The following ADAMTS2 variants were observed in gnomAD, a reference collection of about 807,000 sequenced individuals.
ADAMTS2 encodes the protein A disintegrin and metalloproteinase with thrombospondin motifs 2.
ADAMTS2 carries 50 observed loss-of-function variants against 123.0 expected under a neutral mutation model. The ratio of observed to expected loss-of-function variants is 0.41; its 90% CI spans 0.32 to 0.51. The LOEUF (loss-of-function observed/expected upper bound fraction) is 0.51, where lower values mean the gene tolerates loss of function less well. Ranked by LOEUF, ADAMTS2 falls within the 20% of genes least tolerant of loss-of-function variation. The pLI is 0.35. For missense variants in ADAMTS2, 1,494 were observed against 1,705.2 expected, an observed-to-expected ratio of 0.88 and a Z score of 2.18; for synonymous variants, 678 against 695.4, an observed-to-expected ratio of 0.98 and a Z score of 0.39.
intron 4 of ADAMTS2, among the ~76,000 whole-genome samples, 182 bp downstream of exon 4, chr5:179,207,331 G>C (rs1764721235): frequency 6.6e-6 from 1 of 152,132 alleles, no homozygotes; most frequent in Non-Finnish European, 1.5e-5. Context: ...CTGAGGTCAG[G>C]GATGGTCAAC....
intron 21 of ADAMTS2, among the ~76,000 whole-genome samples, chr5:179,116,862 C>T (rs1243948936): frequency 6.6e-6 from 1 of 152,118 alleles, no homozygotes; most frequent in African/African-American, 2.4e-5. Flanking sequence ...GGAGTTAAAA[C>T]CCATCGGCCA....
chr5:179,286,581 GA>G (rs1360930093), intron 2 of ADAMTS2, among the ~76,000 whole-genome samples: 1 of 152,098 alleles, frequency 6.6e-6, no homozygotes, highest in Non-Finnish European at 1.5e-5. Context: ...AGGGCCTGGG[GA>G]CCCAGGACCG....
At chr5:179,275,886 G>A (rs554509133) in intron 2 of ADAMTS2, among the ~76,000 whole-genome samples, 1 of 152,322 alleles carries the variant, frequency 6.6e-6, no homozygotes, top group South Asian at 2.1e-4. Context: ...GGCAAAGTGG[G>A]TGCCATTCTC....
chr5:179,325,996 T>C (rs1035252734), intron 2 of ADAMTS2, among the ~76,000 whole-genome samples: 4 of 152,106 alleles, frequency 2.6e-5, no homozygotes, highest in Non-Finnish European at 5.9e-5. Flanking sequence ...AGCTGAGGGG[T>C]GCGGAGGAAG....
rs377676303 is a variant in ADAMTS2 at position 179,154,149 on chromosome 5, C to T, written c.1282G>A (p.Glu428Lys). 6.3e-6 allele frequency: 10 copies of T among 1,579,306 alleles called. No homozygotes were observed. The highest frequency in any genetic ancestry group is 6.8e-6 in the Non-Finnish European group (8 of 1,169,110). ...HDGQGNRCGD[E>K]VRLGSIMAPL... is the part of the protein sequence containing the mutation. Reference sequence around the variant, plus strand: ...GCCATGATGCTGCCCAGCCGCACCTCGTCGCCACAGCGGTTGCCCTGCCCG... The same window carrying T: ...GCCATGATGCTGCCCAGCCGCACCTTGTCGCCACAGCGGTTGCCCTGCCCG... The change falls in exon 8 of 22, where the codon GAG becomes AAG. Residue 428 changes from glutamate (E) to lysine (K), a missense_variant. Physicochemically the swap from Glu to Lys is moderately conservative, Grantham distance 56. Coordinates refer to ENST00000251582, the MANE Select transcript of ADAMTS2 (RefSeq NM_014244.5).
At chr5:179,305,255 A>G (rs1328130059) in intron 2 of ADAMTS2, among the ~76,000 whole-genome samples, 3 of 152,234 alleles carry the variant, frequency 2.0e-5, no homozygotes, top group Non-Finnish European at 4.4e-5. Context: ...TTTGAACATC[A>G]GGAATAAAGG....
In ADAMTS2 at chr5:179,317,363, G is replaced by A. The variant is rs926613652; in HGVS notation, c.534+26404C>T. Among the ~76,000 whole-genome samples the A allele has an allele frequency of 9.9e-5, 15 of 152,122 alleles. No individual in the cohort carries two copies. Among genetic ancestry groups the A allele is most frequent in the Non-Finnish European group, 1.5e-4 (10 of 68,024 alleles). On this transcript the variant is annotated intron_variant, in intron 2 of 21. Coordinates refer to ENST00000251582, the MANE Select transcript of ADAMTS2 (RefSeq NM_014244.5). This position sits in a 1 kb window ranked among gnomAD's most constrained non-coding sequence, Gnocchi z 4.9. Reference sequence around the variant, plus strand: ...TCACACATCTCATCCAAGCCTGCTCGGACGCTGCCCTTCTGACCCCGATTC... The same window carrying A: ...TCACACATCTCATCCAAGCCTGCTCAGACGCTGCCCTTCTGACCCCGATTC...
At chr5:179,192,437 C>T (rs1318827639) in intron 4 of ADAMTS2, among the ~76,000 whole-genome samples, 1 of 152,242 alleles carries the variant, frequency 6.6e-6, no homozygotes, top group African/African-American at 2.4e-5. Context: ...AGGTCACAAT[C>T]CCCCTGCACC....
At chr5:179,302,355 C>T (rs74494693) in intron 2 of ADAMTS2, among the ~76,000 whole-genome samples, 4,826 of 124,992 alleles carry the variant, frequency 0.039, 214 homozygotes, top group East Asian at 0.21. Context: ...CCCAGCTGCT[C>T]TGGGCGACAG....
intron 5 of ADAMTS2, among the ~76,000 whole-genome samples, chr5:179,177,421 G>GA (rs1561791179): frequency 6.6e-6 from 1 of 152,186 alleles, no homozygotes; most frequent in East Asian, 1.9e-4. Flanking sequence ...CATTGACTAC[G>GA]AAAGACACAT....
intron 3 of ADAMTS2, among the ~76,000 whole-genome samples, chr5:179,264,519 C>T (rs992006382): frequency 2.6e-5 from 4 of 152,356 alleles, no homozygotes; most frequent in East Asian, 1.9e-4. Context: ...CAGATGCCCC[C>T]GTGAGCAGAT....
At chr5:179,190,520 C>G (rs529052047) in intron 4 of ADAMTS2, among the ~76,000 whole-genome samples, 2 of 152,270 alleles carry the variant, frequency 1.3e-5, no homozygotes, top group Non-Finnish European at 2.9e-5. Flanking sequence ...TTAGAGAGTG[C>G]CCAAGGGGGT....
At chr5:179,137,666 G>A (rs931554945) in intron 12 of ADAMTS2, 103 bp downstream of exon 12, 19 of 1,461,748 alleles carry the variant, frequency 1.3e-5, no homozygotes, top group Admixed American at 6.0e-5. Context: ...GCCCAGGGTC[G>A]CGGCAGCCTT....
At chr5:179,232,779 C>T (rs1039011692) in intron 3 of ADAMTS2, among the ~76,000 whole-genome samples, 2 of 148,854 alleles carry the variant, frequency 1.3e-5, no homozygotes, top group African/African-American at 5.0e-5. Flanking sequence ...AGCACAATAC[C>T]TTTTTTTTTT....
intron 3 of ADAMTS2, among the ~76,000 whole-genome samples, chr5:179,230,134 C>T (rs1174502755): frequency 1.3e-5 from 2 of 152,170 alleles, no homozygotes. Context: ...AAACATATCA[C>T]CGGATTAAGT....
chr5:179,171,583 G>A (rs1472848971), intron 5 of ADAMTS2, among the ~76,000 whole-genome samples: 2 of 152,190 alleles, frequency 1.3e-5, no homozygotes, highest in Non-Finnish European at 2.9e-5. Flanking sequence ...ACACTCAGCT[G>A]ATCAACTCAG....
chr5:179,273,642 C>G (rs1272473173), intron 2 of ADAMTS2, among the ~76,000 whole-genome samples: 1 of 152,118 alleles, frequency 6.6e-6, no homozygotes, highest in East Asian at 1.9e-4. Context: ...CAGGCCCTGA[C>G]CACAGCGGGT....
At chr5:179,144,275 GAAGTTC>G (rs1226925281) in intron 10 of ADAMTS2, among the ~76,000 whole-genome samples, 1 of 152,186 alleles carries the variant, frequency 6.6e-6, no homozygotes, top group Non-Finnish European at 1.5e-5. Flanking sequence ...ATCATTGAAA[GAAGTTC>G]AAGTTCTAAG....
At chr5:179,326,531 T>G (rs997619008) in intron 2 of ADAMTS2, among the ~76,000 whole-genome samples, 12 of 118,568 alleles carry the variant, frequency 1.0e-4, no homozygotes, top group Middle Eastern at 4.5e-3. Flanking sequence ...CCCACAGAGC[T>G]CTCAAAAGGG....
Sources: gnomAD v4.1 joint callset for allele counts (sites outside exome capture counted in the v4.1 genomes callset) on GRCh38, gnomAD v4.1.1 for gene constraint, Gnocchi (gnomAD v3.1) non-coding constraint, MANE v1.5 for transcripts, NCBI Gene and HGNC (gene_info 2026-07-23, HGNC 2026-07-21) for gene names.